Variants in POLM observed in about 807,000 individuals in gnomAD.
POLM encodes DNA-directed DNA/RNA polymerase mu.
POLM carries 52 observed loss-of-function variants against 56.7 expected under a neutral mutation model. The observed-to-expected ratio is 0.92, with a 90% CI of 0.73 to 1.15. POLM has a LOEUF of 1.15. Among genes scored for constraint, POLM ranks in the 50% most tolerant of loss-of-function variants. The pLI is 0.00. For missense variants in POLM, 660 were observed against 663.6 expected, an observed-to-expected ratio of 0.99 and a Z score of 0.06; for synonymous variants, 273 against 274.3, an observed-to-expected ratio of 1.00 and a Z score of 0.05.
In POLM at chr7:44,082,423, G is replaced by A; in HGVS notation, c.16C>T (p.Arg6Trp). MLPKR[R>W]RARVGSPSGD... is the part of the protein sequence containing the mutation. ...CTAGGGGACCCGACCCGCGCTCGCC[G>A]CCGTTTGGGGAGCATTGGGACGACA... The change falls in exon 1 of 11, where the codon CGG becomes TGG. Residue 6 changes from arginine (R) to tryptophan (W), a missense_variant. By Grantham distance (101) the Arg-to-Trp change is moderately radical (BLOSUM62 -3). Coordinates refer to ENST00000242248, the MANE Select transcript of POLM (RefSeq NM_013284.4). 4 of 1,452,990 alleles carry A rather than the reference G, an allele frequency of 2.8e-6. No individual in the cohort carries two copies. The highest frequency in any genetic ancestry group is 2.9e-5 in the East Asian group (1 of 34,908). The allele number at this position is 1,452,990 out of a possible 1,614,324, so 90.0% of individuals were successfully genotyped here.
At position 44,079,694 on chromosome 7, in the gene POLM, C is replaced by G. The variant is rs1215562405; in HGVS notation, c.519G>C (p.Glu173Asp). 2.5e-6 allele frequency: 4 copies of G among 1,612,528 alleles called. No homozygotes were observed. In the African/African-American group the frequency reaches 4.0e-5, roughly 16 times the overall value. Residue 173 changes from glutamate to aspartate, a missense_variant, in exon 4 of 11, where the codon GAG (glutamate) becomes GAC (aspartate). Glu to Asp is a conservative substitution (Grantham distance 45). Coordinates refer to ENST00000242248, the MANE Select transcript of POLM (RefSeq NM_013284.4). ...LAEAAGFEGS[E>D]GRLLTFCRAA... ...CTCTGCAGAAGGTGAGGAGGCGGCC[C>G]TCACTGCCTTCAAAGCCTGCTGCCT... is the stretch of plus-strand genomic sequence containing the variant.
Position 44,079,725 on chromosome 7 carries a change from A to C in POLM, c.488T>G (p.Leu163Arg), listed in dbSNP as rs780997071. ...NTGLSEALEI[L>R]AEAAGFEGSE... ...GCCTTCAAAGCCTGCTGCCTCGGCC[A>C]GTATCTCCAGAGCCTCCTGCAGGGA... The change falls in exon 4 of 11, where the codon CTG becomes CGG. Residue 163 changes from leucine (L) to arginine (R), a missense_variant. Physicochemically the swap from Leu to Arg is moderately radical, Grantham distance 102. Transcript: ENST00000242248. 1 of 1,610,490 alleles carries C rather than the reference A, an allele frequency of 6.2e-7. No individual in the cohort carries two copies. Among genetic ancestry groups the C allele is most frequent in the Admixed American group, 1.7e-5 (1 of 59,800 alleles).
At chr7:44,076,408 C>T in intron 6 of POLM, 101 bp downstream of exon 6, 1 of 1,483,474 alleles carries the variant, frequency 6.7e-7, no homozygotes, top group Non-Finnish European at 9.2e-7. Context: ...GCCACCAAAC[C>T]CTCTGCACCA....
Position 44,076,551 on chromosome 7 carries a change from G to A in POLM, c.793C>T (p.Leu265Phe). 6.2e-7 allele frequency: 1 copy of A among 1,614,130 alleles called. No individual in the cohort carries two copies. Among genetic ancestry groups the A allele is most frequent in the Non-Finnish European group, 8.5e-7 (1 of 1,180,036 alleles). ...GTTAGTTTCTGGGGCTGCTCTCGGA[G>A]GTCATCTAAGGTTCGCAGTCCTTCC... ...YREGLRTLDD[L>F]REQPQKLTQQ... Residue 265 changes from leucine (L) to phenylalanine (F), a missense_variant, in exon 6 of 11, where the codon CTC becomes TTC. By Grantham distance (22) the Leu-to-Phe change is conservative. Coordinates refer to ENST00000242248, the MANE Select transcript of POLM (RefSeq NM_013284.4).
intron 10 of POLM, 38 bp from the exon 11 acceptor site, chr7:44,073,415 T>A (rs2096173804): frequency 6.2e-7 from 1 of 1,604,494 alleles, no homozygotes. Flanking sequence ...CTAGGAGTCT[T>A]GCCACTGCTG....
At chr7:44,079,209 G>A (rs1053655537) in intron 4 of POLM, among the ~76,000 whole-genome samples, 1 of 152,190 alleles carries the variant, frequency 6.6e-6, no homozygotes, top group Admixed American at 6.5e-5. Context: ...TGCAATGAAA[G>A]TGCACTAAAG....
Position 44,082,413 on chromosome 7 carries a change from C to G in POLM, c.26G>C (p.Arg9Pro). 2 of 1,466,986 alleles carry G rather than the reference C, an allele frequency of 1.4e-6. No homozygotes were observed. The highest frequency in any genetic ancestry group is 1.8e-6 in the Non-Finnish European group (2 of 1,118,496). The allele number at this position is 1,466,986 out of a possible 1,614,324, so 90.9% of individuals were successfully genotyped here. A position where few individuals can be genotyped will look rare whatever the true frequency, so the allele number is the denominator to read the frequency against. ...GGCATCGCCGCTAGGGGACCCGACC[C>G]GCGCTCGCCGCCGTTTGGGGAGCAT... is the stretch of plus-strand genomic sequence containing the variant. MLPKRRRA[R>P]VGSPSGDAAS... The change falls in exon 1 of 11, where the codon CGG becomes CCG. Residue 9 changes from arginine (R) to proline (P), a missense_variant. By Grantham distance (103) the Arg-to-Pro change is moderately radical. Transcript: ENST00000242248.
In POLM at chr7:44,079,745, C is replaced by T. The variant is rs771170957; in HGVS notation, c.472-4G>A. 2.1e-5 allele frequency: 33 copies of T among 1,608,644 alleles called. No homozygotes were observed. The South Asian group carries it at 3.6e-4, about 18-fold the overall frequency. On this transcript the variant is annotated splice_polypyrimidine_tract_variant and splice_region_variant and intron_variant, in intron 3 of 10. Coordinates refer to ENST00000242248, the MANE Select transcript of POLM (RefSeq NM_013284.4). The stretch of plus-strand genomic sequence containing the variant: ...CGGCCAGTATCTCCAGAGCCTCCTG[C>T]AGGGAGGGGCCCTAGGTAAGGGGCA...
rs543007108 is a variant in POLM at position 44,076,194 on chromosome 7, C to T, written c.835+315G>A. The T allele has an allele frequency of 3.2e-5, 8 of 252,648 alleles. No individual in the cohort carries two copies. The South Asian group carries it at 4.6e-4, about 14-fold the overall frequency. 15.7% of individuals were successfully genotyped at this position (252,648 alleles called of 1,614,324 possible). On this transcript the variant is annotated intron_variant, in intron 6 of 10. Transcript: ENST00000242248. ...TGCTGCTCAGTGCCACCTCTGCAGG[C>T]CTCCATGTACCAAGCACCACACTGG...
At position 44,073,652 on chromosome 7, in the gene POLM, GTTCAGCCACAGGCCC is replaced by G. The variant is rs1199173023; in HGVS notation, c.1356_1370del (p.Lys452_Leu456del). 6.2e-7 allele frequency: 1 copy of G among 1,614,044 alleles called. No homozygotes were observed. Among genetic ancestry groups the G allele is most frequent in the Non-Finnish European group, 8.5e-7 (1 of 1,180,028 alleles). ...GCTCCGGGTCAAACAGCCCATGGCT[GTTCAGCCACAGGCCC>G]TTCTCCTTCCGGCTGAAGCGGCGCA... On this transcript the variant is annotated inframe_deletion, in exon 10 of 11. Transcript: ENST00000242248.
rs754991202 is a variant in POLM at position 44,082,414 on chromosome 7, G to A, written c.25C>T (p.Arg9Trp). The part of the protein sequence containing the change: MLPKRRRA[R>W]VGSPSGDAAS... ...GCATCGCCGCTAGGGGACCCGACCCGCGCTCGCCGCCGTTTGGGGAGCATT... is the reference window on the plus strand; with the variant it reads ...GCATCGCCGCTAGGGGACCCGACCCACGCTCGCCGCCGTTTGGGGAGCATT... Residue 9 changes from arginine to tryptophan, a missense_variant, in exon 1 of 11, where the codon CGG (arginine) becomes TGG (tryptophan). Coordinates refer to ENST00000242248, the MANE Select transcript of POLM (RefSeq NM_013284.4). 3 of 1,466,994 alleles carry A rather than the reference G, an allele frequency of 2.0e-6. No homozygotes were observed. The highest frequency in any genetic ancestry group is 2.7e-6 in the Non-Finnish European group (3 of 1,118,572). 90.9% of individuals were successfully genotyped at this position (1,466,994 alleles called of 1,614,324 possible).
Position 44,073,342 on chromosome 7 carries a change from G to T in POLM, c.1434C>A (p.Ile478=). Residue 478 remains isoleucine, a synonymous_variant, in exon 11 of 11, where the codon ATC becomes ATA. Transcript: ENST00000242248. ...GGTACTCAAGGCCCAGGTGTCTGAAGATGTCTTCCTCTGAAGCCGCTTGGA... is the reference window on the plus strand; with the variant it reads ...GGTACTCAAGGCCCAGGTGTCTGAATATGTCTTCCTCTGAAGCCGCTTGGA... ...TFFQAASEED[I]FRHLGLEYLP... 6.2e-7 allele frequency: 1 copy of T among 1,614,186 alleles called. No individual in the cohort carries two copies. Among genetic ancestry groups the T allele is most frequent in the Non-Finnish European group, 8.5e-7 (1 of 1,180,018 alleles).
Position 44,082,275 on chromosome 7 carries a change from C to G in POLM, c.164G>C (p.Gly55Ala). 6.6e-7 allele frequency: 1 copy of G among 1,526,302 alleles called. No individual in the cohort carries two copies. The highest frequency in any genetic ancestry group is 8.7e-7 in the Non-Finnish European group (1 of 1,144,676). The allele number at this position is 1,526,302 out of a possible 1,614,324, so 94.5% of individuals were successfully genotyped here. A position where few individuals can be genotyped will look rare whatever the true frequency, so the allele number is the denominator to read the frequency against. The stretch of plus-strand genomic sequence containing the variant: ...CCTGCAGGCGTCAAGGACGCGGAAG[C>G]CTTTGGAGCGCGCCAGGCCTGTGAG... ...AFLTGLARSK[G>A]FRVLDACSSE... The change falls in exon 1 of 11, where the codon GGC (glycine) becomes GCC (alanine). Residue 55 changes from glycine to alanine, a missense_variant. Physicochemically the swap from Gly to Ala is moderately conservative, Grantham distance 60. Coordinates refer to ENST00000242248, the MANE Select transcript of POLM (RefSeq NM_013284.4).
intron 5 of POLM, among the ~76,000 whole-genome samples, chr7:44,078,039 C>T (rs1261181443): frequency 1.3e-5 from 2 of 152,232 alleles, no homozygotes; most frequent in Non-Finnish European, 1.5e-5. Context: ...GAGAAAATAA[C>T]ACATAAGGTC....
rs933008007 is a variant in POLM, at chr7:44,076,746, C to T, written c.715-117G>A. Reference sequence around the variant, plus strand: ...CCATGCACCAGGCAGGCGCCGTCCCCACTCGCAACCTGCCGTAGACCACAG... The same window carrying T: ...CCATGCACCAGGCAGGCGCCGTCCCTACTCGCAACCTGCCGTAGACCACAG... On this transcript the variant is annotated intron_variant, in intron 5 of 10. Transcript: ENST00000242248. The T allele has an allele frequency of 2.0e-5, 25 of 1,280,058 alleles. 1 individual carries two copies. The highest frequency in any genetic ancestry group is 2.5e-5 in the Non-Finnish European group (23 of 922,758). The allele number at this position is 1,280,058 out of a possible 1,614,324, so 79.3% of individuals were successfully genotyped here. A position where few individuals can be genotyped will look rare whatever the true frequency, so the allele number is the denominator to read the frequency against.
chr7:44,082,208 AG>A, intron 1 of POLM, 42 bp downstream of exon 1: 1 of 1,403,892 alleles, frequency 7.1e-7, no homozygotes, highest in Non-Finnish European at 9.2e-7. Flanking sequence ...ATCCAAAACC[AG>A]AAGTGCCATG....
intron 8 of POLM, 43 bp downstream of exon 8, chr7:44,074,088 G>A (rs759221775): frequency 8.0e-5 from 128 of 1,606,716 alleles, no homozygotes; most frequent in Non-Finnish European, 1.1e-4. Context: ...GGAGGCAGTG[G>A]CATTGGCCAG....
chr7:44,073,895 G>A lies in POLM; in HGVS notation c.1202C>T (p.Ala401Val). The A allele has an allele frequency of 3.7e-6, 6 of 1,614,206 alleles. No individual in the cohort carries two copies. The highest frequency in any genetic ancestry group is 5.1e-6 in the Non-Finnish European group (6 of 1,180,030). ...IFRLPQPPGA[A>V]VGGSTRPCPS... ...GCAGGGCCTCGTGGATCCCCCCACAGCAGCCCCTGGAGGTTGTGGTAGGCG... is the reference window on the plus strand; with the variant it reads ...GCAGGGCCTCGTGGATCCCCCCACAACAGCCCCTGGAGGTTGTGGTAGGCG... The change falls in exon 9 of 11, where the codon GCT becomes GTT. Residue 401 changes from alanine to valine, a missense_variant. Physicochemically the swap from Ala to Val is moderately conservative, Grantham distance 64. Coordinates refer to ENST00000242248, the MANE Select transcript of POLM (RefSeq NM_013284.4).
rs138899118 is a variant in POLM, at chr7:44,079,088, G to A, written c.643-277C>T. Among the ~76,000 whole-genome samples the A allele has an allele frequency of 2.9e-3, 444 of 152,330 alleles. 1 individual carries two copies. Among genetic ancestry groups the A allele is most frequent in the Non-Finnish European group, 5.5e-3 (373 of 68,026 alleles). ...TACAGCAGCTGAGATGCCAGGTAAC[G>A]TGGATCATCTCTCAGTCAAATAAGT... is the stretch of plus-strand genomic sequence containing the variant. On this transcript the variant is annotated intron_variant, in intron 4 of 10. Transcript: ENST00000242248.
Sources: allele counts gnomAD v4.1 joint callset (sites outside exome capture counted in the v4.1 genomes callset), GRCh38; gene constraint gnomAD v4.1.1; transcripts MANE v1.5; gene names NCBI Gene and HGNC (gene_info 2026-07-23, HGNC 2026-07-21).